SLC38A12: variants seen among roughly 807,000 people sequenced by gnomAD.
The protein encoded by SLC38A12 is solute carrier family 38 member 12, also known as putative sodium-coupled neutral amino acid transporter 12.
At chr17:74,794,045 CA>C in the SLC38A12 span, among the ~76,000 whole-genome samples, 2 of 152,300 alleles carry the variant, frequency 1.3e-5, no homozygotes, top group African/African-American at 2.4e-5. Flanking sequence ...CCAGTGACAT[CA>C]AAAACGTGAG....
the SLC38A12 span, among the ~76,000 whole-genome samples, chr17:74,818,963 T>C: frequency 6.6e-6 from 1 of 152,248 alleles, no homozygotes; most frequent in Non-Finnish European, 1.5e-5. Context: ...ACAGACCAGT[T>C]TTCTGAGACA....
the SLC38A12 span, among the ~76,000 whole-genome samples, chr17:74,815,511 G>A: frequency 4.7e-4 from 71 of 152,300 alleles, no homozygotes; most frequent in African/African-American, 1.6e-3. Flanking sequence ...GTATCTACCC[G>A]CTTTACTTTT....
chr17:74,833,532 AG>A, the SLC38A12 span, among the ~76,000 whole-genome samples: 1 of 152,232 alleles, frequency 6.6e-6, no homozygotes, highest in Non-Finnish European at 1.5e-5. Context: ...CAGGGCTGTA[AG>A]GAGAGCTAGC....
chr17:74,809,205 GCT>G, the SLC38A12 span, among the ~76,000 whole-genome samples: 3 of 152,210 alleles, frequency 2.0e-5, no homozygotes, highest in African/African-American at 7.2e-5. Flanking sequence ...GTTTTTCTTG[GCT>G]CTGTTTCCAC....
the SLC38A12 span, among the ~76,000 whole-genome samples, chr17:74,804,857 G>T: frequency 1.3e-5 from 2 of 152,248 alleles, no homozygotes; most frequent in African/African-American, 4.8e-5. Context: ...CTGCAGGGAG[G>T]CTGTGCTTCA....
At chr17:74,819,054 C>T in the SLC38A12 span, among the ~76,000 whole-genome samples, 1 of 152,196 alleles carries the variant, frequency 6.6e-6, no homozygotes, top group Non-Finnish European at 1.5e-5. Flanking sequence ...GACCAGCACC[C>T]GCTTCTCTGC....
chr17:74,819,297 G>A, the SLC38A12 span, among the ~76,000 whole-genome samples: 1 of 152,242 alleles, frequency 6.6e-6, no homozygotes, highest in African/African-American at 2.4e-5. Flanking sequence ...GGCTCCTGGG[G>A]TCCCTCCCCA....
chr17:74,809,832 T>C, the SLC38A12 span, among the ~76,000 whole-genome samples: 1 of 152,182 alleles, frequency 6.6e-6, no homozygotes, highest in African/African-American at 2.4e-5. Flanking sequence ...CAGAGTCGAA[T>C]AACATTTTCA....
At chr17:74,831,143 C>T in the SLC38A12 span, among the ~76,000 whole-genome samples, 4 of 152,260 alleles carry the variant, frequency 2.6e-5, no homozygotes, top group Admixed American at 6.5e-5. Context: ...CCACGTGCCT[C>T]CTTCCCTCAG....
chr17:74,779,411 C>G, the SLC38A12 span, among the ~76,000 whole-genome samples: 1 of 151,960 alleles, frequency 6.6e-6, no homozygotes, highest in Non-Finnish European at 1.5e-5. Context: ...TTGTTTTATC[C>G]TACTGGTGAA....
the SLC38A12 span, among the ~76,000 whole-genome samples, chr17:74,801,326 T>C: frequency 1.1e-4 from 17 of 152,386 alleles, no homozygotes; most frequent in South Asian, 6.2e-4. Context: ...GCAGGTGCAC[T>C]GCGTGCAGTC....
At chr17:74,790,867 G>A in the SLC38A12 span, 1 of 1,197,894 alleles carries the variant, frequency 8.3e-7, no homozygotes, top group Non-Finnish European at 1.2e-6. Flanking sequence ...GGATTTCATG[G>A]TTTAGATAAT....
At chr17:74,790,838 C>G in the SLC38A12 span, 1 of 755,874 alleles carries the variant, frequency 1.3e-6, no homozygotes, top group Non-Finnish European at 2.1e-6. Flanking sequence ...GAAAAGTTTT[C>G]TCGAGTTTGG....
At chr17:74,837,500 G>C in the SLC38A12 span, 2 of 985,474 alleles carry the variant, frequency 2.0e-6, no homozygotes, top group Non-Finnish European at 2.4e-6. Flanking sequence ...GGTCCTACTA[G>C]AGGGAAGCCA....
chr17:74,781,029 G>A, the SLC38A12 span, among the ~76,000 whole-genome samples: 19 of 152,310 alleles, frequency 1.2e-4, no homozygotes, highest in South Asian at 4.1e-4. Context: ...ATTTTTGATT[G>A]TCAGGACAGT....
the SLC38A12 span, chr17:74,837,849 G>T: frequency 1.0e-6 from 1 of 985,994 alleles, no homozygotes; most frequent in Non-Finnish European, 1.2e-6. Context: ...GGACCTGGGG[G>T]TCCCCCTGAC....
At chr17:74,814,881 G>A in the SLC38A12 span, among the ~76,000 whole-genome samples, 10 of 152,318 alleles carry the variant, frequency 6.6e-5, no homozygotes, top group African/African-American at 1.7e-4. Context: ...AGAAAGCAGC[G>A]GTTCAGAGCC....
the SLC38A12 span, among the ~76,000 whole-genome samples, chr17:74,800,298 C>T: frequency 6.6e-6 from 1 of 152,194 alleles, no homozygotes; most frequent in Non-Finnish European, 1.5e-5. Context: ...GGTGAGTGAG[C>T]GCCTTTGCAC....
chr17:74,809,570 G>A, the SLC38A12 span, among the ~76,000 whole-genome samples: 1 of 152,230 alleles, frequency 6.6e-6, no homozygotes, highest in Non-Finnish European at 1.5e-5. Flanking sequence ...TGGAGCGGGT[G>A]CTGCTTCGGT....
Sources: gnomAD v4.1 joint callset for allele counts (sites outside exome capture counted in the v4.1 genomes callset) on GRCh38, gnomAD v4.1.1 for gene constraint, MANE v1.5 for transcripts, NCBI Gene and HGNC (gene_info 2026-07-23, HGNC 2026-07-21) for gene names.